Variants in PTPRT observed in about 807,000 individuals in gnomAD.
PTPRT encodes the protein receptor-type tyrosine-protein phosphatase T.
Under a neutral mutation model 176.8 loss-of-function variants are expected in PTPRT, and 56 were observed. That is an observed-to-expected ratio of 0.32 (90% CI 0.26 to 0.40). The LOEUF is 0.40. PTPRT is among the 10% of genes least tolerant of loss of function. The pLI, the probability that PTPRT is intolerant of heterozygous loss-of-function variation, is 1.00. For missense variants in PTPRT, 1,540 were observed against 1,908.2 expected, an observed-to-expected ratio of 0.81 and a Z score of 3.60; for synonymous variants, 783 against 739.0, an observed-to-expected ratio of 1.06 and a Z score of -0.96.
At chr20:42,519,313 T>G (rs953134120) in intron 7 of PTPRT, among the ~76,000 whole-genome samples, 1 of 152,168 alleles carries the variant, frequency 6.6e-6, no homozygotes, top group African/African-American at 2.4e-5. Context: ...TCCTTTGTAT[T>G]GCTGAGTAGT....
At chr20:42,414,095 G>A (rs2059042274) in intron 9 of PTPRT, among the ~76,000 whole-genome samples, 1 of 152,118 alleles carries the variant, frequency 6.6e-6, no homozygotes, top group Non-Finnish European at 1.5e-5. Flanking sequence ...GCTTCCCAAA[G>A]TGCTAGGATT....
At chr20:43,179,519 G>A (rs1429897455) in intron 1 of PTPRT, among the ~76,000 whole-genome samples, 1 of 152,168 alleles carries the variant, frequency 6.6e-6, no homozygotes, top group Non-Finnish European at 1.5e-5. Flanking sequence ...AGATACCAGT[G>A]TAAAAATTGT....
intron 7 of PTPRT, among the ~76,000 whole-genome samples, chr20:42,666,920 G>C (rs2075326579): frequency 6.6e-6 from 1 of 152,082 alleles, no homozygotes; most frequent in South Asian, 2.1e-4. Flanking sequence ...TTTCAGTTAA[G>C]TTTATTCTCT....
intron 1 of PTPRT, among the ~76,000 whole-genome samples, chr20:43,047,091 C>T (rs1475473679): frequency 2.0e-5 from 3 of 151,990 alleles, no homozygotes; most frequent in Non-Finnish European, 4.4e-5. Flanking sequence ...CTCCCTCTTC[C>T]CCTCAGATCT....
chr20:42,838,121 G>C (rs1385909533), intron 2 of PTPRT, among the ~76,000 whole-genome samples: 1 of 152,130 alleles, frequency 6.6e-6, no homozygotes, highest in Non-Finnish European at 1.5e-5. Flanking sequence ...CTGCCTCCTG[G>C]GTTCAAGCGA....
chr20:43,108,998 C>A (rs1173160019), intron 1 of PTPRT, among the ~76,000 whole-genome samples: 2 of 152,132 alleles, frequency 1.3e-5, no homozygotes, highest in African/African-American at 4.8e-5. Context: ...CCAGACCCCA[C>A]TACCCCATAA....
downstream of PTPRT, among the ~76,000 whole-genome samples, chr20:42,069,273 C>T (rs566553121): frequency 1.3e-5 from 2 of 152,222 alleles, no homozygotes; most frequent in East Asian, 1.9e-4. Context: ...ATTGTGTCAG[C>T]GAAGGATGTT....
chr20:42,221,086 C>A (rs562611529), intron 15 of PTPRT, among the ~76,000 whole-genome samples: 1 of 152,162 alleles, frequency 6.6e-6, no homozygotes, highest in African/African-American at 2.4e-5. Flanking sequence ...CTGCAACCTC[C>A]GCTTCCCGGG....
intron 1 of PTPRT, among the ~76,000 whole-genome samples, chr20:43,139,927 G>A (rs1358152977): frequency 6.6e-6 from 1 of 152,150 alleles, no homozygotes; most frequent in Non-Finnish European, 1.5e-5. Flanking sequence ...CAAAACAGAA[G>A]CAATATTTTA....
chr20:42,149,054 G>A (rs6093580), intron 17 of PTPRT, among the ~76,000 whole-genome samples: 20,362 of 152,148 alleles, frequency 0.13, 3,503 homozygotes, highest in African/African-American at 0.4. Context: ...ACACTTCCAG[G>A]TATGCATTCA....
chr20:42,121,834 A>T (rs947403663), intron 19 of PTPRT, among the ~76,000 whole-genome samples: 7 of 151,986 alleles, frequency 4.6e-5, no homozygotes, highest in Admixed American at 1.3e-4. Context: ...GCCATAAAAA[A>T]TAATGAAATC....
intron 1 of PTPRT, among the ~76,000 whole-genome samples, chr20:43,094,707 A>G (rs978872562): frequency 3.3e-5 from 5 of 151,932 alleles, no homozygotes; most frequent in Non-Finnish European, 7.4e-5. Flanking sequence ...TCTTCTCTTT[A>G]TTTATCACCT....
At chr20:42,280,192 G>T (rs1453211824) in intron 13 of PTPRT, among the ~76,000 whole-genome samples, 1 of 152,184 alleles carries the variant, frequency 6.6e-6, no homozygotes, top group Non-Finnish European at 1.5e-5. Context: ...CTCACGGGCA[G>T]TGGACGGATT....
At chr20:42,441,879 T>C (rs1182864124) in intron 9 of PTPRT, among the ~76,000 whole-genome samples, 1 of 152,232 alleles carries the variant, frequency 6.6e-6, no homozygotes, top group Non-Finnish European at 1.5e-5. Context: ...GCAAATCATG[T>C]GTCCTAATTA....
chr20:42,691,372 G>A (rs1876135033), intron 6 of PTPRT, among the ~76,000 whole-genome samples: 1 of 152,210 alleles, frequency 6.6e-6, no homozygotes, highest in Non-Finnish European at 1.5e-5. Context: ...GGTGTCTGTG[G>A]CTTTAGAGAT....
At chr20:42,581,668 T>G (rs906885027) in intron 7 of PTPRT, among the ~76,000 whole-genome samples, 1 of 152,106 alleles carries the variant, frequency 6.6e-6, no homozygotes. Context: ...TGAGTTTGCA[T>G]AGAGAAGGAA....
chr20:42,546,527 G>A lies in PTPRT; in HGVS notation c.1154-73965C>T, dbSNP rs2072677871. 2.6e-5 allele frequency among the ~76,000 whole-genome samples: 4 copies of A among 152,044 alleles called. No homozygotes were observed. In the South Asian group the frequency reaches 6.2e-4, roughly 24 times the overall value. ...AGAAAGAAATACGGAGTCCTTCTCAGGCCATATTTAATTTCCTTTAACAGT... is the reference window on the plus strand; with the variant it reads ...AGAAAGAAATACGGAGTCCTTCTCAAGCCATATTTAATTTCCTTTAACAGT... On this transcript the variant is annotated intron_variant, in intron 7 of 30. Transcript: ENST00000373187.
intron 26 of PTPRT, among the ~76,000 whole-genome samples, chr20:42,099,551 G>A (rs1186901989): frequency 3.1e-5 from 2 of 64,902 alleles, no homozygotes; most frequent in Non-Finnish European, 7.5e-5. Context: ...CTGGGCGGGG[G>A]GGGGGGGGGT....
chr20:42,758,429 A>G (rs938229517), intron 5 of PTPRT, among the ~76,000 whole-genome samples: 18 of 152,192 alleles, frequency 1.2e-4, no homozygotes, highest in Non-Finnish European at 2.4e-4. Context: ...GTGATCATGA[A>G]GGCCAGAAAC....
Sources: allele counts gnomAD v4.1 joint callset (sites outside exome capture counted in the v4.1 genomes callset), GRCh38; gene constraint gnomAD v4.1.1; transcripts MANE v1.5; gene names NCBI Gene and HGNC (gene_info 2026-07-23, HGNC 2026-07-21).